The following RBMS1 variants were observed in gnomAD, a reference collection of about 807,000 sequenced individuals.
RBMS1 encodes the protein RNA binding motif single stranded interacting protein 1.
A neutral mutation model predicts 62.3 loss-of-function variants in RBMS1; 17 were observed. The ratio of observed to expected loss-of-function variants is 0.27; its 90% CI spans 0.19 to 0.41. The LOEUF (loss-of-function observed/expected upper bound fraction) is 0.41, where lower values mean the gene tolerates loss of function less well. Ranked by LOEUF, RBMS1 falls within the 10% of genes least tolerant of loss-of-function variation. The probability of loss-of-function intolerance (pLI) is 1.00; values close to 1 mark genes in which losing one functional copy is unlikely to be tolerated. For missense variants in RBMS1, 334 were observed against 504.5 expected (o/e 0.66, Z 3.24); for synonymous variants, 172 against 170.0 (o/e 1.01, Z -0.09).
intron 1 of RBMS1, among the ~76,000 whole-genome samples, chr2:160,422,106 A>G (rs1696457682): frequency 6.6e-6 from 1 of 152,266 alleles, no homozygotes; most frequent in Admixed American, 6.5e-5. Context: ...AGACAACAAT[A>G]TCATCCTCAC....
At chr2:160,411,288 T>A (rs138674061) in intron 1 of RBMS1, among the ~76,000 whole-genome samples, 1 of 152,190 alleles carries the variant, frequency 6.6e-6, no homozygotes, top group Non-Finnish European at 1.5e-5. Flanking sequence ...CCAGCAACTA[T>A]AAGAGTGCCA....
At chr2:160,479,040 C>T (rs1232297499) in intron 1 of RBMS1, among the ~76,000 whole-genome samples, 1 of 152,198 alleles carries the variant, frequency 6.6e-6, no homozygotes, top group Non-Finnish European at 1.5e-5. Context: ...TTAATCAGAG[C>T]CTCACTGGGT....
At chr2:160,395,179 A>C (rs555830991) in intron 1 of RBMS1, among the ~76,000 whole-genome samples, 38 of 152,366 alleles carry the variant, frequency 2.5e-4, no homozygotes, top group African/African-American at 8.2e-4. Flanking sequence ...ACTCTCCTGG[A>C]CAATACTACA....
intron 2 of RBMS1, among the ~76,000 whole-genome samples, chr2:160,337,063 G>A (rs1205534698): frequency 1.3e-5 from 2 of 152,014 alleles, no homozygotes; most frequent in African/African-American, 2.4e-5. Context: ...GTTAATCTCT[G>A]AGAATGTCTG....
At chr2:160,418,668 T>C (rs1036062453) in intron 1 of RBMS1, among the ~76,000 whole-genome samples, 1 of 152,204 alleles carries the variant, frequency 6.6e-6, no homozygotes, top group Non-Finnish European at 1.5e-5. Context: ...GCTGGTGTGA[T>C]GATAAAACCA....
chr2:160,483,674 T>C (rs1420863897), intron 1 of RBMS1, among the ~76,000 whole-genome samples: 1 of 152,210 alleles, frequency 6.6e-6, no homozygotes, highest in African/African-American at 2.4e-5. Flanking sequence ...CACTGGTGCA[T>C]CTACCACTAT....
rs1690336742 is a variant in RBMS1, at chr2:160,318,228, CTA to C, written c.252-3_252-2del. On this transcript the variant is annotated splice_acceptor_variant and splice_polypyrimidine_tract_variant and intron_variant, in intron 2 of 13. Transcript: ENST00000348849. LOFTEE classifies it high-confidence loss of function. ...CTTTGTGGAGACTATTTTCCCATAT[CTA>C]AAAAAAAAAAAAAAAAAAAAAAGGA... 7.6e-6 allele frequency: 5 copies of C among 654,022 alleles called. No homozygotes were observed. The highest frequency in any genetic ancestry group is 3.6e-5 in the African/African-American group (1 of 27,452). The allele number at this position is 654,022 out of a possible 1,614,324, so 40.5% of individuals were successfully genotyped here.
chr2:160,407,035 C>CAT (rs1695761954), intron 1 of RBMS1, among the ~76,000 whole-genome samples: 1 of 151,984 alleles, frequency 6.6e-6, no homozygotes, highest in Non-Finnish European at 1.5e-5. Flanking sequence ...GACACAGACA[C>CAT]ACACACACAG....
intron 1 of RBMS1, among the ~76,000 whole-genome samples, chr2:160,458,696 C>G (rs767618026): frequency 5.9e-5 from 9 of 151,920 alleles, no homozygotes; most frequent in Non-Finnish European, 8.8e-5. Context: ...ACTCCAGAGG[C>G]TGAGGCAGGA....
chr2:160,426,301 G>GAAA (rs1559537559), intron 1 of RBMS1, among the ~76,000 whole-genome samples: 389 of 28,070 alleles, frequency 0.014, 2 homozygotes, highest in South Asian at 0.022. Flanking sequence ...AAAGAAAGAA[G>GAAA]GAAGGAAGGA....
chr2:160,459,498 T>C (rs972692746), intron 1 of RBMS1, among the ~76,000 whole-genome samples: 1 of 152,140 alleles, frequency 6.6e-6, no homozygotes, highest in African/African-American at 2.4e-5. Flanking sequence ...ATACACATGT[T>C]AATCTTTTAA....
At chr2:160,382,742 G>A (rs918758413) in intron 1 of RBMS1, among the ~76,000 whole-genome samples, 4 of 152,026 alleles carry the variant, frequency 2.6e-5, no homozygotes, top group African/African-American at 7.3e-5. Flanking sequence ...GAGAGAGTTC[G>A]TTAGAGGACT....
rs1291090078 is a variant in RBMS1 at position 160,326,874 on chromosome 2, C to T, written c.252-8647G>A. 5.9e-5 allele frequency among the ~76,000 whole-genome samples: 9 copies of T among 152,210 alleles called. No homozygotes were observed. The South Asian group carries it at 8.3e-4, about 14-fold the overall frequency. Reference sequence around the variant, plus strand: ...AGAAAAATAATCCATGGTATCTGTGCAATGGAAAGCCAGTGGCTTGTCTCT... The same window carrying T: ...AGAAAAATAATCCATGGTATCTGTGTAATGGAAAGCCAGTGGCTTGTCTCT... On this transcript the variant is annotated intron_variant, in intron 2 of 13. Transcript: ENST00000348849.
chr2:160,465,867 C>CAT (rs1559587015), intron 1 of RBMS1, among the ~76,000 whole-genome samples: 8 of 75,646 alleles, frequency 1.1e-4, no homozygotes, highest in Non-Finnish European at 1.6e-4. Context: ...CACACACATA[C>CAT]ACACACACAC....
intron 9 of RBMS1, chr2:160,282,446 G>C: frequency 3.4e-6 from 2 of 583,114 alleles, no homozygotes; most frequent in Non-Finnish European, 6.1e-6. Flanking sequence ...TGGTTTAGTG[G>C]AGAAAGGCCC....
chr2:160,406,952 G>T (rs1036148916), intron 1 of RBMS1, among the ~76,000 whole-genome samples: 4 of 152,188 alleles, frequency 2.6e-5, no homozygotes, highest in African/African-American at 9.7e-5. Context: ...AGTGACAGTA[G>T]AAGTTCCTGT....
At chr2:160,359,251 G>C (rs988952604) in intron 2 of RBMS1, among the ~76,000 whole-genome samples, 2 of 152,160 alleles carry the variant, frequency 1.3e-5, no homozygotes, top group African/African-American at 2.4e-5. Context: ...ACTCAGAGGC[G>C]TTGCTTTAGA....
chr2:160,313,271 T>A, intron 3 of RBMS1, 24 bp from the exon 4 acceptor site: 1 of 1,605,112 alleles, frequency 6.2e-7, no homozygotes, highest in Non-Finnish European at 8.5e-7. Context: ...ACACACTTAG[T>A]ATTTAAGCCA....
chr2:160,411,604 C>CAT (rs1395976390), intron 1 of RBMS1, among the ~76,000 whole-genome samples: 5 of 152,214 alleles, frequency 3.3e-5, no homozygotes, highest in African/African-American at 7.2e-5. Flanking sequence ...GATCTGGGTC[C>CAT]ATATTTCAGC....
Sources: gnomAD v4.1 joint callset for allele counts (sites outside exome capture counted in the v4.1 genomes callset) on GRCh38, gnomAD v4.1.1 for gene constraint, MANE v1.5 for transcripts, NCBI Gene and HGNC (gene_info 2026-07-23, HGNC 2026-07-21) for gene names.